The following ZNF560 variants were observed in gnomAD, a reference collection of about 807,000 sequenced individuals.
ZNF560 encodes the protein zinc finger protein 560.
A neutral mutation model predicts 81.8 loss-of-function variants in ZNF560; 54 were observed. The observed-to-expected ratio is 0.66, with a 90% confidence interval of 0.53 to 0.83. The LOEUF is 0.83. ZNF560 is among the 40% of genes least tolerant of loss of function. The probability of loss-of-function intolerance (pLI) is 0.00; values close to 1 mark genes in which losing one functional copy is unlikely to be tolerated. For synonymous variants in ZNF560, 321 were observed against 317.9 expected (o/e 1.01, Z -0.10); for missense variants, 940 against 932.4 (o/e 1.01, Z -0.11).
chr19:9,488,267 G>A (rs2073417375), intron 2 of ZNF560, among the ~76,000 whole-genome samples: 1 of 152,060 alleles, frequency 6.6e-6, no homozygotes, highest in South Asian at 2.1e-4. Context: ...GCAGATGCTG[G>A]GGCCATGCTC....
At chr19:9,499,159 CTTTCTTTTTTCTTTTCT>C (rs2073609764), upstream of ZNF560, among the ~76,000 whole-genome samples, 1 of 151,448 alleles carries the variant, frequency 6.6e-6, no homozygotes, top group Non-Finnish European at 1.5e-5. Context: ...TTTTTCTTTT[CTTTCTTTTTTCTTTTCT>C]TTTCTTTTTT....
At chr19:9,493,021 T>C (rs1385409465) in intron 2 of ZNF560, among the ~76,000 whole-genome samples, 1 of 152,198 alleles carries the variant, frequency 6.6e-6, no homozygotes, top group Non-Finnish European at 1.5e-5. Context: ...TGAGAGGGTA[T>C]AATCTATTAA....
the ZNF560 span, among the ~76,000 whole-genome samples, chr19:9,457,128 G>C: frequency 6.6e-6 from 1 of 152,156 alleles, no homozygotes; most frequent in Non-Finnish European, 1.5e-5. Context: ...GCTTCAAAAG[G>C]AACATATAGC....
At chr19:9,451,991 G>A in the ZNF560 span, among the ~76,000 whole-genome samples, 2 of 151,984 alleles carry the variant, frequency 1.3e-5, no homozygotes, top group East Asian at 1.9e-4. Context: ...CAGGAGAATC[G>A]CTTGAATCCA....
chr19:9,501,919 A>G (rs1048881091), upstream of ZNF560, among the ~76,000 whole-genome samples: 2 of 151,878 alleles, frequency 1.3e-5, no homozygotes, highest in African/African-American at 4.8e-5. Context: ...TTGGGAGACC[A>G]AGGCAGGCGG....
At chr19:9,492,921 T>C (rs982394375) in intron 2 of ZNF560, among the ~76,000 whole-genome samples, 1 of 152,234 alleles carries the variant, frequency 6.6e-6, no homozygotes, top group African/African-American at 2.4e-5. Flanking sequence ...ACTATTTATT[T>C]GGTCCCAATA....
At chr19:9,500,292 G>GGA (rs1398228216), upstream of ZNF560, among the ~76,000 whole-genome samples, 4 of 151,654 alleles carry the variant, frequency 2.6e-5, no homozygotes, top group East Asian at 7.8e-4. Context: ...GGCTGAGGCA[G>GGA]GAGAATCACT....
At chr19:9,475,196 G>A in intron 3 of ZNF560, 88 bp downstream of exon 3, 1 of 1,403,046 alleles carries the variant, frequency 7.1e-7, no homozygotes, top group Non-Finnish European at 1.0e-6. Flanking sequence ...ACTTAAAGAA[G>A]CTCTGGAGAC....
At chr19:9,500,741 A>C (rs1284053950), upstream of ZNF560, among the ~76,000 whole-genome samples, 8 of 151,804 alleles carry the variant, frequency 5.3e-5, no homozygotes, top group Non-Finnish European at 8.8e-5. Context: ...CACCTGGCTA[A>C]TTTTTTTGTA....
the ZNF560 span, among the ~76,000 whole-genome samples, chr19:9,504,902 T>C: frequency 3.3e-5 from 5 of 152,158 alleles, no homozygotes; most frequent in East Asian, 1.9e-4. Context: ...CTGGCCAACA[T>C]AGTGAAAGCC....
chr19:9,452,301 A>G, the ZNF560 span, among the ~76,000 whole-genome samples: 1 of 152,196 alleles, frequency 6.6e-6, no homozygotes, highest in African/African-American at 2.4e-5. Context: ...GAACATTTGT[A>G]TACACTGTTG....
At chr19:9,475,189 TAAAG>T (rs2073181408) in intron 3 of ZNF560, 91 bp downstream of exon 3, 3 of 1,360,768 alleles carry the variant, frequency 2.2e-6, no homozygotes, top group Non-Finnish European at 3.1e-6. Flanking sequence ...TTTATTTACT[TAAAG>T]AAGCTCTGGA....
chr19:9,473,014 A>G (rs1039911801), intron 5 of ZNF560, among the ~76,000 whole-genome samples, 165 bp downstream of exon 5: 3 of 152,214 alleles, frequency 2.0e-5, no homozygotes, highest in Non-Finnish European at 4.4e-5. Context: ...TGTCAGAACC[A>G]TGCTTTCTGT....
chr19:9,493,814 G>A (rs1002600661), intron 2 of ZNF560, among the ~76,000 whole-genome samples: 3 of 151,476 alleles, frequency 2.0e-5, no homozygotes, highest in South Asian at 2.1e-4. Flanking sequence ...GAATATTCAA[G>A]GAGAATATGA....
At chr19:9,499,297 C>T (rs1028347804), upstream of ZNF560, among the ~76,000 whole-genome samples, 2 of 152,098 alleles carry the variant, frequency 1.3e-5, no homozygotes, top group African/African-American at 4.8e-5. Context: ...ACCTCAGCCT[C>T]CCGAGTAGCT....
intron 2 of ZNF560, among the ~76,000 whole-genome samples, chr19:9,480,470 C>A (rs2073269563): frequency 6.6e-6 from 1 of 151,920 alleles, no homozygotes; most frequent in African/African-American, 2.4e-5. Context: ...CACCCTAACA[C>A]TGCACCTTGA....
At position 9,466,814 on chromosome 19, in the gene ZNF560, G is replaced by C; in HGVS notation, c.2133C>G (p.Pro711=). 6.2e-7 allele frequency: 1 copy of C among 1,614,106 alleles called. No individual in the cohort carries two copies. Among genetic ancestry groups the C allele is most frequent in the Non-Finnish European group, 8.5e-7 (1 of 1,180,020 alleles). The change falls in exon 10 of 10, where the codon CCC becomes CCG. Residue 711 remains proline, a synonymous_variant. Coordinates refer to ENST00000301480, the MANE Select transcript of ZNF560 (RefSeq NM_152476.3). ...CTTTCCCACAGTCCTTACATTTATA[G>C]GGTTTTATTTTGGTGAGAGTTTTTA... The part of the protein sequence containing the change: ...DRLKTLTKIK[P]YKCKDCGKAF...
chr19:9,496,462 G>C (rs2144732888), intron 2 of ZNF560, among the ~76,000 whole-genome samples: 1 of 151,388 alleles, frequency 6.6e-6, no homozygotes, highest in South Asian at 2.1e-4. Flanking sequence ...CTGACCTCGT[G>C]ATCCACCTGC....
the ZNF560 span, among the ~76,000 whole-genome samples, chr19:9,457,204 T>C: frequency 1.3e-5 from 2 of 152,232 alleles, no homozygotes; most frequent in Non-Finnish European, 2.9e-5. Flanking sequence ...AAATGGAGAA[T>C]GTTAACTGAC....
Sources: gnomAD v4.1 joint callset for allele counts (sites outside exome capture counted in the v4.1 genomes callset) on GRCh38, gnomAD v4.1.1 for gene constraint, MANE v1.5 for transcripts, NCBI Gene and HGNC (gene_info 2026-07-23, HGNC 2026-07-21) for gene names.